The following MXI1 variants were observed in gnomAD, a reference collection of about 807,000 sequenced individuals.
MXI1 encodes the protein MAX interactor 1, dimerization protein.
A neutral mutation model predicts 36.9 loss-of-function variants in MXI1; 18 were observed. The observed-to-expected ratio is 0.49, with a 90% CI of 0.34 to 0.72. MXI1 has a LOEUF of 0.72. Ranked by LOEUF, MXI1 falls within the 30% of genes least tolerant of loss-of-function variation. The pLI is 0.01. For missense variants in MXI1, 304 were observed against 379.1 expected, an observed-to-expected ratio of 0.80 and a Z score of 1.64; for synonymous variants, 160 against 146.7, an observed-to-expected ratio of 1.09 and a Z score of -0.65.
intron 3 of MXI1, among the ~76,000 whole-genome samples, chr10:110,266,811 T>G (rs1856690140): frequency 6.6e-6 from 1 of 152,228 alleles, no homozygotes; most frequent in South Asian, 2.1e-4. Context: ...TTTAAAACTT[T>G]CTGCCTGCTT....
chr10:110,279,891 TA>T, intron 4 of MXI1, 22 bp from the exon 5 acceptor site: 1 of 1,586,598 alleles, frequency 6.3e-7, no homozygotes, highest in South Asian at 1.2e-5. Context: ...TACACAAATG[TA>T]AAAATCATTT....
chr10:110,221,823 T>C (rs891892577), intron 1 of MXI1, among the ~76,000 whole-genome samples: 5 of 152,000 alleles, frequency 3.3e-5, no homozygotes, highest in African/African-American at 7.2e-5. Context: ...CCCCACCCCA[T>C]GTCCTTTCCC....
chr10:110,223,594 TAAA>T (rs1564706825), intron 1 of MXI1, among the ~76,000 whole-genome samples: 1 of 151,724 alleles, frequency 6.6e-6, no homozygotes, highest in East Asian at 1.9e-4. Context: ...AATAAATAAA[TAAA>T]AAATAAATAA....
intron 1 of MXI1, chr10:110,227,582 G>GC (rs935132839): frequency 6.1e-6 from 6 of 979,706 alleles, no homozygotes; most frequent in African/African-American, 3.5e-5. Context: ...CGGATGCTGG[G>GC]GGGGGTCAGG....
chr10:110,259,571 C>T (rs920879445), intron 3 of MXI1, among the ~76,000 whole-genome samples: 3 of 151,998 alleles, frequency 2.0e-5, no homozygotes, highest in African/African-American at 7.2e-5. Context: ...AATTTCTATT[C>T]TGGTACAAAT....
chr10:110,253,246 G>A lies in MXI1; in HGVS notation c.437+8389G>A, dbSNP rs562767170. On this transcript the variant is annotated intron_variant, in intron 3 of 5. Transcript: ENST00000332674. ...CTGTTTATTCCAATTGTTTGGACACGATAATGAATGCATTTTTTTTTCTAT... is the reference window on the plus strand; with the variant it reads ...CTGTTTATTCCAATTGTTTGGACACAATAATGAATGCATTTTTTTTTCTAT... Among the ~76,000 whole-genome samples the A allele has an allele frequency of 1.4e-4, 22 of 152,104 alleles. No individual in the cohort carries two copies. The South Asian group carries it at 3.9e-3, about 27-fold the overall frequency.
chr10:110,243,838 A>G (rs1159610061), intron 2 of MXI1, among the ~76,000 whole-genome samples: 1 of 152,104 alleles, frequency 6.6e-6, no homozygotes, highest in Non-Finnish European at 1.5e-5. Flanking sequence ...AGCACAGAGA[A>G]ATGAAGGGAC....
At chr10:110,237,250 G>C (rs1855506938) in intron 2 of MXI1, among the ~76,000 whole-genome samples, 1 of 152,152 alleles carries the variant, frequency 6.6e-6, no homozygotes, top group Admixed American at 6.5e-5. Flanking sequence ...GGATAGAAGT[G>C]ATGAGAGTGG....
At chr10:110,262,450 G>GA (rs1856550693) in intron 3 of MXI1, among the ~76,000 whole-genome samples, 1 of 151,996 alleles carries the variant, frequency 6.6e-6, no homozygotes. Context: ...TAAATGCATC[G>GA]AAAAGGCACA....
chr10:110,285,263 T>TA lies in MXI1; in HGVS notation c.*276_*277insA. 3.4e-6 allele frequency: 1 copy of TA among 291,562 alleles called. No individual in the cohort carries two copies. 18.1% of individuals were successfully genotyped at this position (291,562 alleles called of 1,614,324 possible). On this transcript the variant is annotated 3_prime_UTR_variant, in exon 6 of 6. Transcript: ENST00000332674. ...GCAGAAAACTTGTGTGAAATTTTCT[T>TA]GATTTGAGTTGATTGAGAAGAGGAC...
rs1028940282 is a variant in MXI1, at chr10:110,232,888, G to T, written c.407+4567G>T. On this transcript the variant is annotated intron_variant, in intron 2 of 5. Transcript: ENST00000332674. ...ACTGTCAATTCTTTTAAACAAGCAGGCTACAGAATGCTACACTTAATTTTG... is the reference window on the plus strand; with the variant it reads ...ACTGTCAATTCTTTTAAACAAGCAGTCTACAGAATGCTACACTTAATTTTG... Among the ~76,000 whole-genome samples, 4 of 152,270 alleles carry T rather than the reference G, an allele frequency of 2.6e-5. No individual in the cohort carries two copies. In the East Asian group the frequency reaches 7.7e-4, roughly 29 times the overall value.
intron 2 of MXI1, among the ~76,000 whole-genome samples, chr10:110,243,923 T>G (rs1011904740): frequency 8.5e-5 from 13 of 152,094 alleles, no homozygotes; most frequent in Non-Finnish European, 1.8e-4. Context: ...CTGTTCAGTA[T>G]TGCTTCTCAC....
rs1857409031 is a variant in MXI1, at chr10:110,285,534, T to TA, written c.*547_*548insA. The stretch of plus-strand genomic sequence containing the variant: ...TGATCAATCCTTTATTATTATTTTT[T>TA]TTTTTTGAAAAAAGCTCATTTCATG... On this transcript the variant is annotated 3_prime_UTR_variant, in exon 6 of 6. Transcript: ENST00000332674. The TA allele has an allele frequency of 6.6e-6, 1 of 152,430 alleles. No homozygotes were observed. Among genetic ancestry groups the TA allele is most frequent in the Non-Finnish European group, 1.5e-5 (1 of 67,984 alleles). 9.4% of individuals were successfully genotyped at this position (152,430 alleles called of 1,614,324 possible). A position where few individuals can be genotyped will look rare whatever the true frequency, so the allele number is the denominator to read the frequency against.
At chr10:110,269,043 T>G (rs1856775837) in intron 3 of MXI1, among the ~76,000 whole-genome samples, 1 of 152,182 alleles carries the variant, frequency 6.6e-6, no homozygotes, top group Admixed American at 6.6e-5. Context: ...AAAAACAAAC[T>G]GCATTTTGAT....
intron 5 of MXI1, among the ~76,000 whole-genome samples, chr10:110,283,294 C>T (rs979708618): frequency 1.5e-4 from 22 of 148,380 alleles, no homozygotes; most frequent in East Asian, 1.0e-3. Context: ...GAGAGTGTCT[C>T]GCTCTGTCGC....
rs1003513496 is a variant in MXI1 at position 110,208,246 on chromosome 10, A to G, written c.274+164A>G. 45 of 642,082 alleles carry G rather than the reference A, an allele frequency of 7.0e-5. No individual in the cohort carries two copies. In the African/African-American group the frequency reaches 8.7e-4, roughly 12 times the overall value. 39.8% of individuals were successfully genotyped at this position (642,082 alleles called of 1,614,324 possible). The stretch of plus-strand genomic sequence containing the variant: ...ACCGGAGAAAGGACACGCACGCACA[A>G]AGCTGCTAAAGATGTAACAAAGACG... On this transcript the variant is annotated intron_variant, in intron 1 of 5. Coordinates refer to ENST00000332674, the MANE Select transcript of MXI1 (RefSeq NM_130439.3).
At chr10:110,255,001 T>A (rs1856235454) in intron 3 of MXI1, among the ~76,000 whole-genome samples, 1 of 151,972 alleles carries the variant, frequency 6.6e-6, no homozygotes, top group African/African-American at 2.4e-5. Context: ...CCATCATCTA[T>A]TGGAAGAAGA....
At chr10:110,279,846 A>C in intron 4 of MXI1, 68 bp from the exon 5 acceptor site, 1 of 1,209,820 alleles carries the variant, frequency 8.3e-7, no homozygotes. Flanking sequence ...TTCTCTGCTA[A>C]AGGAGGAATC....
intron 5 of MXI1, among the ~76,000 whole-genome samples, chr10:110,280,524 C>CA (rs1456448393): frequency 6.6e-6 from 1 of 151,670 alleles, no homozygotes; most frequent in African/African-American, 2.4e-5. Context: ...ACTAAAAATA[C>CA]AAAAAATTAG....
Sources: allele counts gnomAD v4.1 joint callset (sites outside exome capture counted in the v4.1 genomes callset), GRCh38; gene constraint gnomAD v4.1.1; transcripts MANE v1.5; gene names NCBI Gene and HGNC (gene_info 2026-07-23, HGNC 2026-07-21).